The following THRA variants were observed in gnomAD, a reference collection of about 807,000 sequenced individuals.
THRA encodes thyroid hormone receptor alpha.
THRA carries 13 observed loss-of-function variants against 45.0 expected under a neutral mutation model. That is an observed-to-expected ratio of 0.29 (90% CI 0.19 to 0.46). The LOEUF (loss-of-function observed/expected upper bound fraction) is 0.46, where lower values mean the gene tolerates loss of function less well. THRA is among the 20% of genes least tolerant of loss of function. THRA has a pLI of 1.00. For missense variants in THRA, 278 were observed against 556.1 expected (o/e 0.50, Z 5.03); for synonymous variants, 195 against 214.0 (o/e 0.91, Z 0.78).
At chr17:40,084,488 C>T in intron 5 of THRA, 122 bp from the exon 6 acceptor site, 1 of 1,099,230 alleles carries the variant, frequency 9.1e-7, no homozygotes, top group Non-Finnish European at 1.3e-6. Flanking sequence ...TTTGGGAAGT[C>T]ATTTAGCCTC....
At chr17:40,071,139 C>T (rs761461870) in intron 1 of THRA, among the ~76,000 whole-genome samples, 21 of 152,084 alleles carry the variant, frequency 1.4e-4, no homozygotes, top group South Asian at 8.3e-4. Context: ...TCAGCCGCCC[C>T]GCATGTACGT....
At chr17:40,075,932 G>C (rs1353201492) in intron 2 of THRA, among the ~76,000 whole-genome samples, 4 of 152,236 alleles carry the variant, frequency 2.6e-5, no homozygotes, top group Admixed American at 2.6e-4. Context: ...GTGTCAGTGT[G>C]TTGGGAGCTG....
chr17:40,079,148 G>T (rs144128501), intron 4 of THRA, among the ~76,000 whole-genome samples: 4 of 152,064 alleles, frequency 2.6e-5, no homozygotes, highest in Non-Finnish European at 4.4e-5. Context: ...AGCCAGTACT[G>T]GGGGGGTAGT....
At chr17:40,082,207 C>CTTTTTTTTTTTTTTTTTTTT (rs770974952) in intron 4 of THRA, among the ~76,000 whole-genome samples, 1 of 78,784 alleles carries the variant, frequency 1.3e-5, no homozygotes, top group Non-Finnish European at 2.5e-5. Flanking sequence ...CTTGGATTTC[C>CTTTTTTTTTTTTTTTTTTTT]TTTTTTTTTT....
In THRA at chr17:40,077,043, G is replaced by T. The variant is rs944196472; in HGVS notation, c.121+105G>T. On this transcript the variant is annotated intron_variant, in intron 3 of 8. Transcript: ENST00000450525. ...GGAACAGTAATTCATGTGTTCCCTGGGGGGAGCCTCCTAGAGGGCTTGGGA... is the reference window on the plus strand; with the variant it reads ...GGAACAGTAATTCATGTGTTCCCTGTGGGGAGCCTCCTAGAGGGCTTGGGA... 7.4e-6 allele frequency: 9 copies of T among 1,210,300 alleles called. No individual in the cohort carries two copies. The East Asian group carries it at 1.0e-4, about 14-fold the overall frequency. The allele number at this position is 1,210,300 out of a possible 1,614,324, so 75.0% of individuals were successfully genotyped here.
At chr17:40,064,649 C>T (rs1986488027) in intron 1 of THRA, among the ~76,000 whole-genome samples, 2 of 152,186 alleles carry the variant, frequency 1.3e-5, no homozygotes, top group Admixed American at 1.3e-4. Flanking sequence ...TTCCCAATGA[C>T]ATGTTCTTGG....
intron 6 of THRA, among the ~76,000 whole-genome samples, chr17:40,085,982 TGTGCCTGTG>T (rs1298504481): frequency 6.6e-6 from 1 of 152,128 alleles, no homozygotes; most frequent in African/African-American, 2.4e-5. Context: ...CATGGGGGTG[TGTGCCTGTG>T]GTCCCAGCTA....
At chr17:40,093,656 C>T (rs78138209), downstream of THRA, 1 of 647,340 alleles carries the variant, frequency 1.5e-6, no homozygotes. The surrounding 1 kb of genome is among the most constrained non-coding windows in gnomAD (Gnocchi z 5.9). Flanking sequence ...ACTCAAGTGT[C>T]ACCTCCTTCC....
intron 1 of THRA, among the ~76,000 whole-genome samples, chr17:40,064,672 G>C (rs1230076648): frequency 6.6e-6 from 1 of 152,206 alleles, no homozygotes. Context: ...TCTATCGCTT[G>C]AGATACCACC....
intron 1 of THRA, among the ~76,000 whole-genome samples, chr17:40,072,545 T>G (rs1986813263): frequency 6.6e-6 from 1 of 152,144 alleles, no homozygotes; most frequent in East Asian, 1.9e-4. Flanking sequence ...AGGCACAGCC[T>G]GGGGGGCAGA....
intron 1 of THRA, among the ~76,000 whole-genome samples, chr17:40,071,248 G>C (rs1346322001): frequency 6.6e-6 from 1 of 152,206 alleles, no homozygotes; most frequent in African/African-American, 2.4e-5. Flanking sequence ...GAGCAGATAC[G>C]CAGGAGGGTT....
rs572312201 is a variant in THRA at position 40,081,280 on chromosome 17, G to A, written c.223-2555G>A. Among the ~76,000 whole-genome samples, 6 of 151,122 alleles carry A rather than the reference G, an allele frequency of 4.0e-5. No individual in the cohort carries two copies. In the East Asian group the frequency reaches 1.2e-3, roughly 30 times the overall value. On this transcript the variant is annotated intron_variant, in intron 4 of 8. Coordinates refer to ENST00000450525, the MANE Select transcript of THRA (RefSeq NM_199334.5). ...GGGTTTTTGTTTTTGTTTGTAATGGGGTCTCTGTCACCCAGGTTGGAGTGC... is the reference window on the plus strand; with the variant it reads ...GGGTTTTTGTTTTTGTTTGTAATGGAGTCTCTGTCACCCAGGTTGGAGTGC...
At position 40,084,105 on chromosome 17, in the gene THRA, T is replaced by TCAGGCTGAGGG. The variant is rs573428895; in HGVS notation, c.370+126_370+127insGCTGAGGGCAG. On this transcript the variant is annotated intron_variant, in intron 5 of 8. Coordinates refer to ENST00000450525, the MANE Select transcript of THRA (RefSeq NM_199334.5). ...GGGCAGAGTGGCAATCCAGTCTAGG[T>TCAGGCTGAGGG]CAGAATGTTCAGTGTCTTGGTCCTT... 3.9e-4 allele frequency: 453 copies of TCAGGCTGAGGG among 1,159,374 alleles called. 2 individuals carry two copies. The African/African-American group carries it at 6.3e-3, about 16-fold the overall frequency. 71.8% of individuals were successfully genotyped at this position (1,159,374 alleles called of 1,614,324 possible).
At position 40,077,050 on chromosome 17, in the gene THRA, C is replaced by T. The variant is rs1325760292; in HGVS notation, c.121+112C>T. 4 of 1,128,190 alleles carry T rather than the reference C, an allele frequency of 3.5e-6. No homozygotes were observed. In the East Asian group the frequency reaches 7.7e-5, roughly 22 times the overall value. 69.9% of individuals were successfully genotyped at this position (1,128,190 alleles called of 1,614,324 possible). A position where few individuals can be genotyped will look rare whatever the true frequency, so the allele number is the denominator to read the frequency against. Reference sequence around the variant, plus strand: ...TAATTCATGTGTTCCCTGGGGGGAGCCTCCTAGAGGGCTTGGGATGGACTT... The same window carrying T: ...TAATTCATGTGTTCCCTGGGGGGAGTCTCCTAGAGGGCTTGGGATGGACTT... On this transcript the variant is annotated intron_variant, in intron 3 of 8. Transcript: ENST00000450525.
At chr17:40,079,147 T>TG (rs534636832) in intron 4 of THRA, among the ~76,000 whole-genome samples, 17 of 152,016 alleles carry the variant, frequency 1.1e-4, no homozygotes, top group Non-Finnish European at 2.2e-4. Context: ...GAGCCAGTAC[T>TG]GGGGGGGTAG....
chr17:40,088,531 A>C (rs1987414282), intron 8 of THRA, 31 bp downstream of exon 8: 2 of 1,585,896 alleles, frequency 1.3e-6, no homozygotes, highest in African/African-American at 2.7e-5. Context: ...AGGGCTCAGA[A>C]GCTTCCAGGG....
At chr17:40,076,123 G>A (rs769803434) in intron 2 of THRA, among the ~76,000 whole-genome samples, 9 of 152,204 alleles carry the variant, frequency 5.9e-5, no homozygotes, top group South Asian at 2.1e-4. Flanking sequence ...CTAATAATAC[G>A]CTGCACAGAG....
Position 40,089,776 on chromosome 17 carries a change from G to C in THRA, c.*320G>C. 2 of 1,186,426 alleles carry C rather than the reference G, an allele frequency of 1.7e-6. No individual in the cohort carries two copies. Among genetic ancestry groups the C allele is most frequent in the Non-Finnish European group, 2.1e-6 (2 of 949,148 alleles). The allele number at this position is 1,186,426 out of a possible 1,614,324, so 73.5% of individuals were successfully genotyped here. On this transcript the variant is annotated 3_prime_UTR_variant, in exon 9 of 9. Coordinates refer to ENST00000450525, the MANE Select transcript of THRA (RefSeq NM_199334.5). The surrounding 1 kb of genome is among the most constrained non-coding windows in gnomAD (Gnocchi z 6.1). The stretch of plus-strand genomic sequence containing the variant: ...GGATTGAGAAGGGACAAGCCACCTT[G>C]ACCGTAGGGGAAGGAGGAATGTGGG...
chr17:40,079,300 G>A (rs1987059087), intron 4 of THRA, among the ~76,000 whole-genome samples: 1 of 152,100 alleles, frequency 6.6e-6, no homozygotes, highest in Non-Finnish European at 1.5e-5. Flanking sequence ...AGCCTGGAGT[G>A]CAGTGGTGCA....
Sources: allele counts gnomAD v4.1 joint callset (sites outside exome capture counted in the v4.1 genomes callset), GRCh38; gene constraint gnomAD v4.1.1; non-coding constraint Gnocchi (gnomAD v3.1); transcripts MANE v1.5; gene names NCBI Gene and HGNC (gene_info 2026-07-23, HGNC 2026-07-21).